The following PRKD1 variants were observed in gnomAD, a reference collection of about 807,000 sequenced individuals.
PRKD1 encodes protein kinase D1.
A neutral mutation model predicts 95.9 loss-of-function variants in PRKD1; 63 were observed. That is an observed-to-expected ratio of 0.66 (90% confidence interval 0.54 to 0.81). The LOEUF is 0.81. PRKD1 is among the 30% of genes least tolerant of loss of function. The pLI is 0.00. For missense variants in PRKD1, 1,048 were observed against 1,165.3 expected (o/e 0.90, Z 1.47); for synonymous variants, 425 against 423.1 (o/e 1.00, Z -0.05).
At chr14:29,646,604 C>T (rs1379248926) in intron 4 of PRKD1, among the ~76,000 whole-genome samples, 1 of 151,714 alleles carries the variant, frequency 6.6e-6, no homozygotes, top group Non-Finnish European at 1.5e-5. Flanking sequence ...TCCTATCAAT[C>T]TGCAAACTGT....
intron 1 of PRKD1, among the ~76,000 whole-genome samples, chr14:29,832,398 T>C (rs186227533): frequency 2.6e-5 from 4 of 152,216 alleles, no homozygotes; most frequent in African/African-American, 9.6e-5. Flanking sequence ...ATTGACATGT[T>C]TGCATTTCTC....
intron 1 of PRKD1, among the ~76,000 whole-genome samples, chr14:29,898,628 A>G (rs1366436166): frequency 1.3e-5 from 2 of 152,170 alleles, no homozygotes; most frequent in African/African-American, 4.8e-5. Context: ...ATTGTCTTCA[A>G]ACACCACTAG....
intron 1 of PRKD1, among the ~76,000 whole-genome samples, chr14:29,759,802 G>A (rs768858825): frequency 2.0e-5 from 3 of 152,120 alleles, no homozygotes; most frequent in Non-Finnish European, 4.4e-5. Context: ...GTGAAAAATC[G>A]TCAAATGAAA....
chr14:29,924,271 T>C (rs918983866), intron 1 of PRKD1, among the ~76,000 whole-genome samples: 13 of 152,232 alleles, frequency 8.5e-5, no homozygotes, highest in Admixed American at 6.5e-4. Flanking sequence ...AGTCAGTATA[T>C]ACTTAGGGTA....
chr14:29,694,883 A>C (rs559087291), intron 2 of PRKD1, among the ~76,000 whole-genome samples: 2 of 152,294 alleles, frequency 1.3e-5, no homozygotes, highest in East Asian at 3.9e-4. Context: ...TGGTGTATTC[A>C]AGGATTAACA....
At chr14:29,721,052 A>C (rs1003783196) in intron 2 of PRKD1, among the ~76,000 whole-genome samples, 2 of 152,138 alleles carry the variant, frequency 1.3e-5, no homozygotes, top group African/African-American at 4.8e-5. Context: ...CATCAACTAC[A>C]TCAAAATGGT....
chr14:29,736,597 T>G (rs1449653129), intron 1 of PRKD1, among the ~76,000 whole-genome samples: 1 of 152,188 alleles, frequency 6.6e-6, no homozygotes, highest in African/African-American at 2.4e-5. Flanking sequence ...TCTCAGAGGC[T>G]TTGTGGTCGT....
intron 1 of PRKD1, among the ~76,000 whole-genome samples, chr14:29,911,371 A>G (rs1034898718): frequency 6.6e-5 from 10 of 152,220 alleles, no homozygotes; most frequent in Non-Finnish European, 1.3e-4. Flanking sequence ...AAGTTCTACT[A>G]GAAAGATTAA....
At chr14:29,685,045 C>T (rs1883775957) in intron 2 of PRKD1, among the ~76,000 whole-genome samples, 1 of 152,144 alleles carries the variant, frequency 6.6e-6, no homozygotes, top group Admixed American at 6.5e-5. Context: ...AATGTTTAGA[C>T]AAACTCTAAA....
chr14:29,614,197 T>C (rs992621923), intron 13 of PRKD1, among the ~76,000 whole-genome samples: 1 of 152,174 alleles, frequency 6.6e-6, no homozygotes, highest in Non-Finnish European at 1.5e-5. Flanking sequence ...AGAACAATAA[T>C]GGGAAAATTT....
At chr14:29,619,595 A>G (rs1879107366) in intron 13 of PRKD1, among the ~76,000 whole-genome samples, 1 of 152,160 alleles carries the variant, frequency 6.6e-6, no homozygotes, top group African/African-American at 2.4e-5. Context: ...ATACAATTCT[A>G]TAGTAGGTTA....
chr14:29,913,718 G>A (rs1000410770), intron 1 of PRKD1, among the ~76,000 whole-genome samples: 1 of 152,170 alleles, frequency 6.6e-6, no homozygotes, highest in Admixed American at 6.5e-5. Context: ...AGTTATTTCT[G>A]AGTACTCGTA....
chr14:29,627,060 T>C (rs1193499421), intron 11 of PRKD1, among the ~76,000 whole-genome samples: 1 of 152,218 alleles, frequency 6.6e-6, no homozygotes, highest in East Asian at 1.9e-4. Flanking sequence ...TTACGAAAAC[T>C]GTTCTGATCT....
chr14:29,596,583 A>G (rs1893314203), intron 16 of PRKD1, among the ~76,000 whole-genome samples: 2 of 152,164 alleles, frequency 1.3e-5, no homozygotes, highest in Non-Finnish European at 2.9e-5. Flanking sequence ...CCTCCTGAGT[A>G]GCAGGGACTA....
Position 29,912,190 on chromosome 14 carries a change from C to A in PRKD1, c.264+15059G>T, listed in dbSNP as rs1230022119. On this transcript the variant is annotated intron_variant, in intron 1 of 17. Transcript: ENST00000331968. ...CTCCCTGTTTCAAAATCCTTAACAACATCTACAAAGTCCCATTTGACCTAT... is the reference window on the plus strand; with the variant it reads ...CTCCCTGTTTCAAAATCCTTAACAAAATCTACAAAGTCCCATTTGACCTAT... 2.6e-5 allele frequency among the ~76,000 whole-genome samples: 4 copies of A among 152,144 alleles called. No individual in the cohort carries two copies. The East Asian group carries it at 7.7e-4, about 29-fold the overall frequency.
At chr14:29,897,733 C>T (rs939441091) in intron 1 of PRKD1, among the ~76,000 whole-genome samples, 1 of 152,150 alleles carries the variant, frequency 6.6e-6, no homozygotes, top group African/African-American at 2.4e-5. Context: ...CTATGAAAGA[C>T]TGACTTACTC....
chr14:29,901,689 C>T (rs374386981), intron 1 of PRKD1, among the ~76,000 whole-genome samples: 97 of 152,234 alleles, frequency 6.4e-4, no homozygotes, highest in African/African-American at 2.2e-3. Flanking sequence ...AGTACAACAG[C>T]AACAGCAATA....
rs1367452667 is a variant in PRKD1, at chr14:29,774,476, A to G, written c.265-48802T>C. Among the ~76,000 whole-genome samples, 4 of 152,140 alleles carry G rather than the reference A, an allele frequency of 2.6e-5. No homozygotes were observed. The East Asian group carries it at 7.7e-4, about 29-fold the overall frequency. On this transcript the variant is annotated intron_variant, in intron 1 of 17. Coordinates refer to ENST00000331968, the MANE Select transcript of PRKD1 (RefSeq NM_002742.3). ...GAACATTTTACCAATAATAATAATA[A>G]CACTTACTGAGGGCTCACTATGACC...
intron 1 of PRKD1, among the ~76,000 whole-genome samples, chr14:29,771,208 G>C (rs1286130025): frequency 1.3e-5 from 2 of 152,112 alleles, no homozygotes; most frequent in African/African-American, 4.8e-5. Flanking sequence ...TAAAGAGACT[G>C]TTATGGTTCT....
Sources: gnomAD v4.1 joint callset for allele counts (sites outside exome capture counted in the v4.1 genomes callset) on GRCh38, gnomAD v4.1.1 for gene constraint, MANE v1.5 for transcripts, NCBI Gene and HGNC (gene_info 2026-07-23, HGNC 2026-07-21) for gene names.